Variants in DPP3 observed in about 807,000 individuals in gnomAD.
The protein encoded by DPP3 is DPP III.
DPP3 carries 64 observed loss-of-function variants against 89.8 expected under a neutral mutation model. The ratio of observed to expected loss-of-function variants is 0.71; its 90% confidence interval spans 0.58 to 0.88. The LOEUF (loss-of-function observed/expected upper bound fraction) is 0.88, where lower values mean the gene tolerates loss of function less well. Ranked by LOEUF, DPP3 falls within the 40% of genes least tolerant of loss-of-function variation. The pLI, the probability that DPP3 is intolerant of heterozygous loss-of-function variation, is 0.00. For synonymous variants in DPP3, 377 were observed against 404.3 expected (o/e 0.93, Z 0.81); for missense variants, 835 against 972.5 (o/e 0.86, Z 1.88).
chr11:66,487,117 G>T, intron 4 of DPP3, 151 bp from the exon 5 acceptor site: 1 of 743,588 alleles, frequency 1.3e-6, no homozygotes. Flanking sequence ...ATGTTTGTTT[G>T]TTTTATAACT....
In DPP3 at chr11:66,495,241, A is replaced by C; in HGVS notation, c.1425A>C (p.Thr475=). Residue 475 remains threonine (T), a synonymous_variant, in exon 13 of 18, where the codon ACA becomes ACC. Transcript: ENST00000531863. ...EKGAFNFDQE[T]VINPETGEQI... is the part of the protein sequence containing the mutation. ...GAGCATTCAACTTTGACCAGGAAAC[A>C]GTGATCAACCCAGAGACGGGCGAGC... The C allele has an allele frequency of 6.2e-7, 1 of 1,612,846 alleles. No individual in the cohort carries two copies. Among genetic ancestry groups the C allele is most frequent in the Non-Finnish European group, 8.5e-7 (1 of 1,180,022 alleles).
chr11:66,507,146 T>A (rs1176060177), intron 17 of DPP3, among the ~76,000 whole-genome samples: 2 of 152,068 alleles, frequency 1.3e-5, no homozygotes, highest in Non-Finnish European at 2.9e-5. Context: ...CACAGCTCAC[T>A]GGGGATGATA....
At chr11:66,485,331 G>A in intron 3 of DPP3, 69 bp downstream of exon 3, 1 of 1,469,672 alleles carries the variant, frequency 6.8e-7, no homozygotes, top group Non-Finnish European at 9.4e-7. Context: ...AAATGCAGTA[G>A]AAGGAGCCCC....
intron 16 of DPP3, among the ~76,000 whole-genome samples, chr11:66,499,682 A>G (rs1021141706): frequency 6.6e-6 from 1 of 152,024 alleles, no homozygotes; most frequent in Non-Finnish European, 1.5e-5. Context: ...AGGCATGAGA[A>G]TCGCTTGAAT....
Position 66,495,759 on chromosome 11 carries a change from T to C in DPP3, c.1698+9T>C, listed in dbSNP as rs746348182. On this transcript the variant is annotated intron_variant, in intron 15 of 17. Coordinates refer to ENST00000531863, the MANE Select transcript of DPP3 (RefSeq NM_130443.4). The stretch of plus-strand genomic sequence containing the variant: ...CCTTCAACTGGCGACAGGTAGGGCC[T>C]AGGTGGAGCCCCCTGGAGGCGGAAG... The C allele has an allele frequency of 6.2e-7, 1 of 1,600,082 alleles. No homozygotes were observed. The highest frequency in any genetic ancestry group is 8.5e-7 in the Non-Finnish European group (1 of 1,173,918).
chr11:66,489,213 C>T (rs567008916), intron 6 of DPP3, among the ~76,000 whole-genome samples: 7 of 152,244 alleles, frequency 4.6e-5, no homozygotes, highest in African/African-American at 1.7e-4. Context: ...CATGCGGAAC[C>T]CCCTCCAGCC....
Position 66,491,266 on chromosome 11 carries a change from C to T in DPP3, c.681C>T (p.Asp227=), listed in dbSNP as rs1265916047. 3.1e-6 allele frequency: 5 copies of T among 1,613,442 alleles called. No individual in the cohort carries two copies. The South Asian group carries it at 5.5e-5, about 18-fold the overall frequency. ...TTCTTTCCCCAGAGCCTTCCCTGGA[C>T]TCTGAGGTGACTTCCAAGCTGAAGA... ...ASVLGSEPSL[D]SEVTSKLKSY... Residue 227 remains aspartate (D), a synonymous_variant, in exon 7 of 18, where the codon GAC becomes GAT. Transcript: ENST00000531863.
In DPP3 at chr11:66,492,806, C is replaced by T; in HGVS notation, c.1079C>T (p.Pro360Leu). Reference protein sequence around the residue: ...AEQLLKELPWPPTFEKDKFLT... With the variant: ...AEQLLKELPWLPTFEKDKFLT... ...CAGCTGCTGAAGGAGCTGCCCTGGC[C>T]CCCAACCTTTGAGAAGGACAAGTTC... is the stretch of plus-strand genomic sequence containing the variant. Residue 360 changes from proline to leucine, a missense_variant, in exon 10 of 18, where the codon CCC becomes CTC. By Grantham distance (98) the Pro-to-Leu change is moderately conservative. Transcript: ENST00000531863. 6.2e-7 allele frequency: 1 copy of T among 1,614,018 alleles called. No individual in the cohort carries two copies. Among genetic ancestry groups the T allele is most frequent in the Non-Finnish European group, 8.5e-7 (1 of 1,179,976 alleles).
chr11:66,497,636 A>C (rs1434519766), intron 16 of DPP3, among the ~76,000 whole-genome samples, 159 bp downstream of exon 16: 2 of 152,206 alleles, frequency 1.3e-5, no homozygotes, highest in African/African-American at 4.8e-5. Flanking sequence ...CACGCCTGTG[A>C]TCCCAGCACT....
At chr11:66,486,773 G>C in intron 4 of DPP3, 96 bp downstream of exon 4, 1 of 1,380,340 alleles carries the variant, frequency 7.2e-7, no homozygotes, top group Non-Finnish European at 9.5e-7. Flanking sequence ...GGAGGCAGTG[G>C]GCTCTGCCTC....
Position 66,486,640 on chromosome 11 carries a change from T to G in DPP3, c.461T>G (p.Leu154Arg). ...ACCTGCGGGGAGCTTATGTTCTCTC[T>G]GGAGCCAAGGCTTCGACACCTCGGA... ...WQTCGELMFS[L>R]EPRLRHLGLG... The change falls in exon 4 of 18, where the codon CTG (leucine) becomes CGG (arginine). Residue 154 changes from leucine (L) to arginine (R), a missense_variant. By Grantham distance (102) the Leu-to-Arg change is moderately radical (BLOSUM62 -2). Coordinates refer to ENST00000531863, the MANE Select transcript of DPP3 (RefSeq NM_130443.4). 1 of 1,575,772 alleles carries G rather than the reference T, an allele frequency of 6.3e-7. No homozygotes were observed. The highest frequency in any genetic ancestry group is 8.6e-7 in the Non-Finnish European group (1 of 1,160,140).
At chr11:66,486,337 C>T (rs1320574263) in intron 3 of DPP3, among the ~76,000 whole-genome samples, 1 of 152,182 alleles carries the variant, frequency 6.6e-6, no homozygotes, top group African/African-American at 2.4e-5. Context: ...TCCTCTGCCT[C>T]CCAAAGTGCT....
intron 15 of DPP3, among the ~76,000 whole-genome samples, chr11:66,496,765 T>C (rs1375232914): frequency 1.3e-5 from 2 of 152,164 alleles, no homozygotes; most frequent in Non-Finnish European, 2.9e-5. Flanking sequence ...GAGGAGGCGA[T>C]GTGACGTCAT....
At position 66,486,697 on chromosome 11, in the gene DPP3, C is replaced by T. The variant is rs201336659; in HGVS notation, c.498+20C>T. On this transcript the variant is annotated intron_variant, in intron 4 of 17. Coordinates refer to ENST00000531863, the MANE Select transcript of DPP3 (RefSeq NM_130443.4). The stretch of plus-strand genomic sequence containing the variant: ...AAGGAGGTGAGGCCCCTGACTCCCC[C>T]GAGGGGACAGGGAGTGGAGGGAATC... The T allele has an allele frequency of 2.4e-5, 35 of 1,488,458 alleles. No homozygotes were observed. The African/African-American group carries it at 2.7e-4, about 12-fold the overall frequency. The allele number at this position is 1,488,458 out of a possible 1,614,324, so 92.2% of individuals were successfully genotyped here.
chr11:66,501,930 G>T (rs1017918117), intron 16 of DPP3, among the ~76,000 whole-genome samples: 1 of 152,090 alleles, frequency 6.6e-6, no homozygotes, highest in African/African-American at 2.4e-5. Context: ...GGGCACGGTG[G>T]CTCACGCCTG....
At chr11:66,508,728 T>C (rs977111510) in intron 17 of DPP3, among the ~76,000 whole-genome samples, 28 of 152,130 alleles carry the variant, frequency 1.8e-4, no homozygotes, top group African/African-American at 6.5e-4. Context: ...TTTCATCATG[T>C]TGGCCAAGCT....
rs747514477 is a variant in DPP3, at chr11:66,497,483, C to G, written c.1878+6C>G. On this transcript the variant is annotated splice_donor_region_variant and intron_variant, in intron 16 of 17. Coordinates refer to ENST00000531863, the MANE Select transcript of DPP3 (RefSeq NM_130443.4). ...GCTTCCTGCGGAGACTTCAGGTAAG[C>G]AAAGGCCTCTCGTCTGGATGGGTCC... 3.7e-6 allele frequency: 6 copies of G among 1,611,318 alleles called. No homozygotes were observed.
intron 6 of DPP3, among the ~76,000 whole-genome samples, chr11:66,490,758 G>GTTTTTTTTTTTTTT (rs984901930): frequency 7.0e-6 from 1 of 142,110 alleles, no homozygotes; most frequent in East Asian, 2.2e-4. Flanking sequence ...GTTTTGTTTT[G>GTTTTTTTTTTTTTT]TTTTTTTTGT....
intron 16 of DPP3, among the ~76,000 whole-genome samples, chr11:66,502,480 T>C (rs1434549814): frequency 1.3e-5 from 2 of 151,880 alleles, no homozygotes; most frequent in Admixed American, 6.6e-5. Flanking sequence ...GCTAATTTTT[T>C]TTTTTTCGAA....
Sources: allele counts gnomAD v4.1 joint callset (sites outside exome capture counted in the v4.1 genomes callset), GRCh38; gene constraint gnomAD v4.1.1; transcripts MANE v1.5; gene names NCBI Gene and HGNC (gene_info 2026-07-23, HGNC 2026-07-21).